The following CTNND2 variants were observed in gnomAD, a reference collection of about 807,000 sequenced individuals.
The protein encoded by CTNND2 is catenin delta-2.
CTNND2 carries 22 observed loss-of-function variants against 144.4 expected under a neutral mutation model. The observed-to-expected ratio is 0.15, with a 90% CI of 0.11 to 0.22. The LOEUF (loss-of-function observed/expected upper bound fraction) is 0.22. Among genes scored for constraint, CTNND2 ranks in the 10% least tolerant of loss-of-function variants. The pLI is 1.00. For missense variants in CTNND2, 1,353 were observed against 1,618.8 expected, an observed-to-expected ratio of 0.84 and a Z score of 2.82; for synonymous variants, 751 against 695.6, an observed-to-expected ratio of 1.08 and a Z score of -1.25.
intron 3 of CTNND2, among the ~76,000 whole-genome samples, chr5:11,471,147 T>G (rs1196697680): frequency 6.6e-6 from 1 of 151,190 alleles, no homozygotes; most frequent in Non-Finnish European, 1.5e-5. Flanking sequence ...CCAGCTAATT[T>G]TTTGTATTTT....
chr5:11,226,736 G>C (rs1740401019), intron 10 of CTNND2, among the ~76,000 whole-genome samples: 2 of 152,144 alleles, frequency 1.3e-5, no homozygotes, highest in South Asian at 4.1e-4. Context: ...GGAATTATGG[G>C]AACTACAATT....
intron 12 of CTNND2, among the ~76,000 whole-genome samples, chr5:11,123,949 GA>G (rs1754397007): frequency 6.6e-6 from 1 of 152,166 alleles, no homozygotes; most frequent in African/African-American, 2.4e-5. Context: ...ATGGCCTTTA[GA>G]CCAATGGCCA....
chr5:11,252,822 C>A (rs1333503823), intron 9 of CTNND2, among the ~76,000 whole-genome samples: 1 of 152,170 alleles, frequency 6.6e-6, no homozygotes, highest in East Asian at 1.9e-4. Flanking sequence ...TGAATGTGTA[C>A]TCCTCAGTAA....
intron 10 of CTNND2, among the ~76,000 whole-genome samples, chr5:11,207,991 T>C (rs1210939304): frequency 6.6e-6 from 1 of 152,066 alleles, no homozygotes; most frequent in Non-Finnish European, 1.5e-5. Flanking sequence ...TTCAGTAAAA[T>C]ACAAACTTAA....
intron 16 of CTNND2, among the ~76,000 whole-genome samples, chr5:11,047,714 GA>G (rs1379509645): frequency 6.6e-6 from 1 of 152,156 alleles, no homozygotes; most frequent in Admixed American, 6.5e-5. Flanking sequence ...ACAAGACTGT[GA>G]GTGCCATTTT....
At chr5:11,770,397 A>G (rs1463362728) in intron 1 of CTNND2, among the ~76,000 whole-genome samples, 1 of 149,122 alleles carries the variant, frequency 6.7e-6, no homozygotes, top group Non-Finnish European at 1.5e-5. Context: ...ACGTGGTATT[A>G]AAACAGAAAA....
At chr5:11,443,624 T>C (rs995401900) in intron 3 of CTNND2, among the ~76,000 whole-genome samples, 1 of 152,162 alleles carries the variant, frequency 6.6e-6, no homozygotes, top group Non-Finnish European at 1.5e-5. Context: ...CCTTAAGGTA[T>C]GTATGGTTAC....
intron 1 of CTNND2, among the ~76,000 whole-genome samples, chr5:11,784,700 A>G (rs767780582): frequency 3.3e-5 from 5 of 152,232 alleles, no homozygotes; most frequent in Non-Finnish European, 7.3e-5. Flanking sequence ...AAAGCAGCAG[A>G]TGTTTCTATT....
chr5:11,314,868 G>T lies in CTNND2; in HGVS notation c.1628+31504C>A, dbSNP rs565439334. Among the ~76,000 whole-genome samples, 7 of 152,256 alleles carry T rather than the reference G, an allele frequency of 4.6e-5. No homozygotes were observed. In the South Asian group the frequency reaches 1.5e-3, roughly 32 times the overall value. ...GTAGCCAGGGGTGGCTGGTAGGGTG[G>T]CCAGGGAAAATAGAGAGTGCCCAGT... On this transcript the variant is annotated intron_variant, in intron 9 of 21. Coordinates refer to ENST00000304623, the MANE Select transcript of CTNND2 (RefSeq NM_001332.4).
At chr5:11,305,122 T>C (rs768928284) in intron 9 of CTNND2, among the ~76,000 whole-genome samples, 3 of 152,168 alleles carry the variant, frequency 2.0e-5, no homozygotes, top group Non-Finnish European at 4.4e-5. Flanking sequence ...CTAATGTAGC[T>C]CTTACTACAC....
intron 2 of CTNND2, among the ~76,000 whole-genome samples, chr5:11,654,330 G>T (rs971780373): frequency 6.6e-5 from 10 of 152,002 alleles, no homozygotes; most frequent in Non-Finnish European, 1.3e-4. Flanking sequence ...GGGTAGTGTG[G>T]ACATTTTAAC....
At chr5:11,159,800 G>C in intron 11 of CTNND2, 41 bp from the exon 12 acceptor site, 3 of 1,472,394 alleles carry the variant, frequency 2.0e-6, no homozygotes, top group South Asian at 1.4e-5. Flanking sequence ...GTGGCCACAA[G>C]TTTTTCTCAT....
chr5:11,348,986 G>A (rs760466431), intron 8 of CTNND2, among the ~76,000 whole-genome samples: 1 of 152,240 alleles, frequency 6.6e-6, no homozygotes, highest in Admixed American at 6.5e-5. Context: ...GAAATGTCCT[G>A]GAGCTCTTTT....
At chr5:11,559,133 T>C (rs1271379495) in intron 3 of CTNND2, among the ~76,000 whole-genome samples, 1 of 152,140 alleles carries the variant, frequency 6.6e-6, no homozygotes, top group Non-Finnish European at 1.5e-5. Context: ...CTATATACCT[T>C]TATATTTGTA....
Position 11,903,215 on chromosome 5 carries a change from C to G in CTNND2, c.37+602G>C. 1 of 985,500 alleles carries G rather than the reference C, an allele frequency of 1.0e-6. No individual in the cohort carries two copies. The highest frequency in any genetic ancestry group is 1.2e-6 in the Non-Finnish European group (1 of 830,002). The allele number at this position is 985,500 out of a possible 1,614,324, so 61.0% of individuals were successfully genotyped here. On this transcript the variant is annotated intron_variant, in intron 1 of 21. Transcript: ENST00000304623. The surrounding 1 kb of genome is among the most constrained non-coding windows in gnomAD (Gnocchi z 5.4). ...TTTCTGGAGCCTGGCTGTCTATTGT[C>G]AGCACGCAGAAGCCCCCGAAACCTG...
intron 8 of CTNND2, among the ~76,000 whole-genome samples, chr5:11,351,261 T>A (rs891522156): frequency 6.6e-6 from 1 of 152,222 alleles, no homozygotes; most frequent in East Asian, 1.9e-4. Context: ...GGGCAAACAC[T>A]GGAGAGGGAA....
At chr5:11,190,478 C>T (rs1298048421) in intron 11 of CTNND2, among the ~76,000 whole-genome samples, 2 of 152,210 alleles carry the variant, frequency 1.3e-5, no homozygotes, top group Non-Finnish European at 1.5e-5. Context: ...CTAATTCTGG[C>T]ATCTGGCATT....
At chr5:11,645,958 C>T (rs145398332) in intron 2 of CTNND2, among the ~76,000 whole-genome samples, 269 of 152,160 alleles carry the variant, frequency 1.8e-3, no homozygotes, top group Non-Finnish European at 3.4e-3. Context: ...CTATCTTCCA[C>T]CATAGTTCTT....
intron 2 of CTNND2, among the ~76,000 whole-genome samples, chr5:11,699,115 T>C (rs931332345): frequency 6.6e-6 from 1 of 152,058 alleles, no homozygotes; most frequent in South Asian, 2.1e-4. Flanking sequence ...TTAAAAAAAG[T>C]GTCACTACAT....
Sources: gnomAD v4.1 joint callset for allele counts (sites outside exome capture counted in the v4.1 genomes callset) on GRCh38, gnomAD v4.1.1 for gene constraint, Gnocchi (gnomAD v3.1) non-coding constraint, MANE v1.5 for transcripts, NCBI Gene and HGNC (gene_info 2026-07-23, HGNC 2026-07-21) for gene names.